SCART1: variants seen among roughly 807,000 people sequenced by gnomAD.
SCART1 encodes scavenger receptor cysteine-rich domain-containing protein SCART1.
In SCART1, 62 loss-of-function variants were observed where a neutral mutation model predicts 36.2. The ratio of observed to expected loss-of-function variants is 1.71; its 90% CI spans 1.40 to 2.12. SCART1 has a LOEUF of 2.12. Among genes scored for constraint, SCART1 ranks in the 30% most tolerant of loss-of-function variants. The pLI is 0.00. For synonymous variants in SCART1, 487 were observed against 238.7 expected (o/e 2.04, Z -9.59); for missense variants, 1,041 against 540.5 (o/e 1.93, Z -9.18).
chr10:133,456,729 C>T (rs1850619182), intron 2 of SCART1, among the ~76,000 whole-genome samples, 175 bp downstream of exon 2: 1 of 152,034 alleles, frequency 6.6e-6, no homozygotes, highest in Non-Finnish European at 1.5e-5. Flanking sequence ...GGCACCGGGG[C>T]CATCCTGACT....
intron 1 of SCART1, among the ~76,000 whole-genome samples, chr10:133,454,930 A>G (rs1330183919): frequency 6.6e-6 from 1 of 152,180 alleles, no homozygotes; most frequent in Admixed American, 6.5e-5. Flanking sequence ...AAGGGCCGGA[A>G]TTCTCTATTA....
chr10:133,455,370 CTGAG>C (rs1294964436), intron 1 of SCART1, among the ~76,000 whole-genome samples: 1 of 151,950 alleles, frequency 6.6e-6, no homozygotes, highest in African/African-American at 2.4e-5. Flanking sequence ...TGGATGAAGA[CTGAG>C]AGAGAGGAGA....
Position 133,466,241 on chromosome 10 carries a change from G to A in SCART1, c.2666G>A (p.Gly889Asp), listed in dbSNP as rs188547592. The A allele has an allele frequency of 4.3e-6, 3 of 702,392 alleles. No homozygotes were observed. The East Asian group carries it at 8.0e-5, about 19-fold the overall frequency. The allele number at this position is 702,392 out of a possible 1,614,324, so 43.5% of individuals were successfully genotyped here. Residue 889 changes from glycine (G) to aspartate (D), a missense_variant, in exon 10 of 12, where the codon GGC becomes GAC. Transcript: ENST00000640237. ...AAGACCTCTCCTTTCTCAGAGCCTG[G>A]CCCAGGCCCCCCACTGCCTGCAGCT...
At chr10:133,467,461 C>A in intron 11 of SCART1, 108 bp downstream of exon 11, 1 of 614,040 alleles carries the variant, frequency 1.6e-6, no homozygotes, top group Non-Finnish European at 2.9e-6. Context: ...CTTCAGAAGG[C>A]TGCTGACCAC....
intron 1 of SCART1, among the ~76,000 whole-genome samples, chr10:133,454,624 G>C (rs1850585564): frequency 6.6e-6 from 1 of 152,134 alleles, no homozygotes; most frequent in African/African-American, 2.4e-5. Flanking sequence ...GGGAGCCCCG[G>C]GGACCTGCGT....
chr10:133,461,966 G>A (rs935910385), intron 6 of SCART1, among the ~76,000 whole-genome samples: 1 of 152,222 alleles, frequency 6.6e-6, no homozygotes. Flanking sequence ...GCACCCGGCT[G>A]TCAGACCATC....
chr10:133,460,496 A>ATATATATATATATATATATATTTTTT lies in SCART1; in HGVS notation c.1969+327_1969+328insATATATATATATATATATATTTTTTT. 2.2e-5 allele frequency among the ~76,000 whole-genome samples: 3 copies of ATATATATATATATATATATATTTTTT among 136,002 alleles called. No individual in the cohort carries two copies. In the South Asian group the frequency reaches 8.2e-4, roughly 37 times the overall value. 89.2% of individuals were successfully genotyped at this position (136,002 alleles called of 152,430 possible). ...CATATATATATATATATATTTATAT[A>ATATATATATATATATATATATTTTTT]TTTTAAAAAATATTTTATATTTATT... On this transcript the variant is annotated intron_variant, in intron 6 of 11. Coordinates refer to ENST00000640237, the Ensembl canonical transcript of SCART1.
At chr10:133,455,846 G>A (rs551484470) in intron 1 of SCART1, among the ~76,000 whole-genome samples, 32 of 152,202 alleles carry the variant, frequency 2.1e-4, no homozygotes, top group South Asian at 1.7e-3. Flanking sequence ...GGACAGTCAC[G>A]TGGGTGGGGC....
intron 11 of SCART1, 24 bp downstream of exon 11, chr10:133,467,377 G>A (rs1167177762): frequency 1.4e-5 from 10 of 692,502 alleles, no homozygotes; most frequent in Non-Finnish European, 2.1e-5. Context: ...CCAGCTCAGG[G>A]GTGAGCTCTG....
At chr10:133,467,106 G>A in intron 10 of SCART1, 92 bp from the exon 11 acceptor site, 1 of 567,420 alleles carries the variant, frequency 1.8e-6, no homozygotes, top group East Asian at 3.0e-5. Flanking sequence ...TTGCTGCCTG[G>A]CTGGGGTTCC....
At chr10:133,462,542 T>C (rs975926441) in intron 6 of SCART1, among the ~76,000 whole-genome samples, 4 of 152,178 alleles carry the variant, frequency 2.6e-5, no homozygotes, top group Admixed American at 2.6e-4. Context: ...GCGTAACATA[T>C]GTGAAATTAA....
rs1271089062 is a variant in SCART1 at position 133,464,626 on chromosome 10, C to T, written c.1990C>T (p.Arg664Ter). Residue 664 changes from arginine (R) to a stop codon, truncating the protein, a stop_gained, in exon 7 of 12, where the codon CGA becomes TGA. Coordinates refer to ENST00000640237, the Ensembl canonical transcript of SCART1. LOFTEE classifies it high-confidence loss of function. ...TGCAGAGTCGGTGGCTCTGAGGCTG[C>T]GAGGTGGGACCTGCTGCTGTGCTGG... 2.3e-5 allele frequency: 15 copies of T among 657,402 alleles called. No homozygotes were observed. Among genetic ancestry groups the T allele is most frequent in the Non-Finnish European group, 2.8e-5 (10 of 359,792 alleles). 40.7% of individuals were successfully genotyped at this position (657,402 alleles called of 1,614,324 possible). A position where few individuals can be genotyped will look rare whatever the true frequency, so the allele number is the denominator to read the frequency against.
chr10:133,457,873 T>A (rs966992133), intron 3 of SCART1: 1 of 536,494 alleles, frequency 1.9e-6, no homozygotes, highest in African/African-American at 1.9e-5. Context: ...ATGTCTAACA[T>A]GGATCGGGGT....
intron 6 of SCART1, among the ~76,000 whole-genome samples, chr10:133,461,108 C>A (rs1237676512): frequency 2.0e-5 from 3 of 152,060 alleles, no homozygotes. Flanking sequence ...CATACCTGAG[C>A]GTCTTTGTGT....
chr10:133,461,057 A>G (rs1160291841), intron 6 of SCART1, among the ~76,000 whole-genome samples: 3 of 152,014 alleles, frequency 2.0e-5, no homozygotes, highest in Admixed American at 6.5e-5. Flanking sequence ...TATTTTTGAG[A>G]TGGTGGATGA....
chr10:133,467,404 C>T (rs1166952939), intron 11 of SCART1, 51 bp downstream of exon 11: 3 of 665,042 alleles, frequency 4.5e-6, no homozygotes, highest in Non-Finnish European at 5.5e-6. Flanking sequence ...GCTACGGATG[C>T]TGACCACAAG....
At chr10:133,459,913 C>A in exon 6 of SCART1, 1 of 540,752 alleles carries the variant, frequency 1.8e-6, no homozygotes, top group Non-Finnish European at 3.2e-6. Flanking sequence ...GGGGCCGGGG[C>A]GCTGCACGGG....
chr10:133,459,779 G>A (rs906099492), exon 6 of SCART1: 1 of 678,584 alleles, frequency 1.5e-6, no homozygotes, highest in Non-Finnish European at 2.7e-6. Flanking sequence ...CGGGGACCTC[G>A]CGGGACGCCG....
intron 6 of SCART1, chr10:133,464,328 C>T (rs372660522): frequency 9.4e-5 from 13 of 138,964 alleles, no homozygotes; most frequent in African/African-American, 2.9e-4. Flanking sequence ...TGAACCTGGG[C>T]GTGCAGTGAA....
Sources: allele counts gnomAD v4.1 joint callset (sites outside exome capture counted in the v4.1 genomes callset), GRCh38; gene constraint gnomAD v4.1.1; transcripts MANE v1.5; gene names NCBI Gene and HGNC (gene_info 2026-07-23, HGNC 2026-07-21).